The following UBE3C variants were observed in gnomAD, a reference collection of about 807,000 sequenced individuals.
UBE3C encodes ubiquitin protein ligase E3C.
A neutral mutation model predicts 129.4 loss-of-function variants in UBE3C; 42 were observed. That is an observed-to-expected ratio of 0.32 (90% CI 0.25 to 0.42). The LOEUF (loss-of-function observed/expected upper bound fraction) is 0.42. Ranked by LOEUF, UBE3C falls within the 10% of genes least tolerant of loss-of-function variation. The pLI is 1.00. For missense variants in UBE3C, 1,049 were observed against 1,319.1 expected (o/e 0.80, Z 3.17); for synonymous variants, 510 against 492.4 (o/e 1.04, Z -0.47).
intron 14 of UBE3C, among the ~76,000 whole-genome samples, chr7:157,218,737 G>C (rs1795655059): frequency 6.6e-6 from 1 of 152,154 alleles, no homozygotes; most frequent in Admixed American, 6.5e-5. Context: ...GGAGTGCTCT[G>C]TCATGCTGGA....
intron 10 of UBE3C, chr7:157,197,995 G>T: frequency 6.2e-7 from 1 of 1,607,736 alleles, no homozygotes; most frequent in Non-Finnish European, 8.5e-7. Flanking sequence ...TCTTGATCCT[G>T]ATGGTCCTCC....
chr7:157,263,464 G>A (rs924925429), intron 22 of UBE3C, among the ~76,000 whole-genome samples: 2 of 152,102 alleles, frequency 1.3e-5, no homozygotes, highest in Non-Finnish European at 2.9e-5. Flanking sequence ...AGGAGTTCTC[G>A]ACCAGCCTGG....
At chr7:157,148,492 C>G (rs1444197029) in intron 1 of UBE3C, among the ~76,000 whole-genome samples, 1 of 151,890 alleles carries the variant, frequency 6.6e-6, no homozygotes, top group East Asian at 1.9e-4. Flanking sequence ...TAAAACTGCC[C>G]TCTATTATAT....
In UBE3C at chr7:157,169,077, A is replaced by G. The variant is rs766871215; in HGVS notation, c.150A>G (p.Ile50Met). 6.2e-7 allele frequency: 1 copy of G among 1,613,870 alleles called. No homozygotes were observed. Among genetic ancestry groups the G allele is most frequent in the Non-Finnish European group, 8.5e-7 (1 of 1,179,894 alleles). Reference sequence around the variant, plus strand: ...AAAGGCGAAGGTTGAAAAATGCAATAATTATCCAGTCATTTATTCGAGGCT... The same window carrying G: ...AAAGGCGAAGGTTGAAAAATGCAATGATTATCCAGTCATTTATTCGAGGCT... The part of the protein sequence containing the change: ...EEERRRLKNA[I>M]IIQSFIRGYR... The change falls in exon 3 of 23, where the codon ATA (isoleucine) becomes ATG (methionine). Residue 50 changes from isoleucine (I) to methionine (M), a missense_variant. Ile to Met is a conservative substitution (Grantham distance 10). Around this residue, in one of 4 missense-constraint regions of UBE3C, gnomAD observed 489 missense variants for 513.8 expected, o/e 0.95. Transcript: ENST00000348165.
At chr7:157,169,018 T>A in intron 2 of UBE3C, 30 bp from the exon 3 acceptor site, 1 of 1,582,140 alleles carries the variant, frequency 6.3e-7, no homozygotes. Context: ...TCTGACCAAT[T>A]GCTCCCTCAC....
chr7:157,246,530 G>GGT (rs1408424482), intron 18 of UBE3C, among the ~76,000 whole-genome samples: 16 of 152,278 alleles, frequency 1.1e-4, no homozygotes, highest in African/African-American at 3.4e-4. Context: ...GTTTTGTTTT[G>GGT]ATTTTGGTAT....
intron 10 of UBE3C, among the ~76,000 whole-genome samples, chr7:157,193,064 G>A (rs1435329568): frequency 3.9e-5 from 6 of 152,122 alleles, no homozygotes; most frequent in African/African-American, 9.7e-5. Flanking sequence ...ATGCTAGCGC[G>A]CCTGAGTGTC....
intron 4 of UBE3C, among the ~76,000 whole-genome samples, chr7:157,172,540 T>C (rs1808405960): frequency 6.6e-6 from 1 of 152,070 alleles, no homozygotes; most frequent in Non-Finnish European, 1.5e-5. Flanking sequence ...CAGCATTGCC[T>C]CCAGAGTTGA....
At chr7:157,223,558 A>T (rs1795794985) in intron 16 of UBE3C, among the ~76,000 whole-genome samples, 1 of 49,106 alleles carries the variant, frequency 2.0e-5, no homozygotes, top group African/African-American at 1.0e-4. Context: ...TCTTAGTTAC[A>T]ACTGATTGAA....
intron 1 of UBE3C, chr7:157,140,002 A>G: frequency 1.0e-6 from 1 of 985,452 alleles, no homozygotes; most frequent in Non-Finnish European, 1.2e-6. Flanking sequence ...TGTGATCGAC[A>G]TTAAGTTGTT....
chr7:157,155,861 G>A (rs991150578), intron 1 of UBE3C, among the ~76,000 whole-genome samples: 2 of 152,164 alleles, frequency 1.3e-5, no homozygotes, highest in Non-Finnish European at 2.9e-5. Context: ...GTTACAGCAG[G>A]GAGCGTGCAC....
intron 22 of UBE3C, among the ~76,000 whole-genome samples, chr7:157,263,672 A>G (rs1276169440): frequency 6.6e-6 from 1 of 151,906 alleles, no homozygotes; most frequent in Admixed American, 6.6e-5. Context: ...TCAAAAAAAA[A>G]AAAAAAAGTC....
At chr7:157,140,697 C>T (rs184920793) in intron 1 of UBE3C, among the ~76,000 whole-genome samples, 48 of 152,238 alleles carry the variant, frequency 3.2e-4, no homozygotes, top group African/African-American at 9.9e-4. Flanking sequence ...TACACAGCGC[C>T]GCGCGGCCTC....
intron 1 of UBE3C, among the ~76,000 whole-genome samples, chr7:157,141,932 T>C (rs1459760220): frequency 6.6e-6 from 1 of 152,202 alleles, no homozygotes; most frequent in African/African-American, 2.4e-5. Flanking sequence ...CACATAATAC[T>C]CTTGTGCTGG....
At chr7:157,155,865 C>T (rs1330531436) in intron 1 of UBE3C, among the ~76,000 whole-genome samples, 3 of 151,896 alleles carry the variant, frequency 2.0e-5, no homozygotes, top group Non-Finnish European at 4.4e-5. Context: ...CAGCAGGGAG[C>T]GTGCACGCTG....
chr7:157,189,939 T>A (rs927830425), intron 10 of UBE3C, among the ~76,000 whole-genome samples: 1 of 152,130 alleles, frequency 6.6e-6, no homozygotes, highest in Non-Finnish European at 1.5e-5. Flanking sequence ...TAGCTGAGAT[T>A]ACGGGCACCC....
In UBE3C at chr7:157,139,241, G is replaced by C. The variant is rs1319684135; in HGVS notation, c.-32G>C. 1.4e-6 allele frequency: 2 copies of C among 1,456,970 alleles called. No individual in the cohort carries two copies. The highest frequency in any genetic ancestry group is 2.9e-5 in the African/African-American group (2 of 68,720). The allele number at this position is 1,456,970 out of a possible 1,614,324, so 90.3% of individuals were successfully genotyped here. A position where few individuals can be genotyped will look rare whatever the true frequency, so the allele number is the denominator to read the frequency against. ...CCGCCCGCCCGGCTGCTTCCGCGGC[G>C]GCGCTGCCCGCACATGGGCTAGGCT... On this transcript the variant is annotated 5_prime_UTR_variant, in exon 1 of 23. Transcript: ENST00000348165.
chr7:157,214,372 A>G (rs926642817), intron 13 of UBE3C, among the ~76,000 whole-genome samples: 1 of 152,216 alleles, frequency 6.6e-6, no homozygotes, highest in Non-Finnish European at 1.5e-5. Context: ...AGAAATAGAT[A>G]TCTAGGAGTT....
intron 18 of UBE3C, among the ~76,000 whole-genome samples, chr7:157,239,163 T>C (rs532550172): frequency 5.3e-5 from 8 of 152,324 alleles, no homozygotes; most frequent in Non-Finnish European, 1.2e-4. Flanking sequence ...AAAGAATGTT[T>C]ATGGTAACAC....
Sources: allele counts gnomAD v4.1 joint callset (sites outside exome capture counted in the v4.1 genomes callset), GRCh38; gene constraint gnomAD v4.1.1; regional missense constraint gnomAD v4.1.1; transcripts MANE v1.5; gene names NCBI Gene and HGNC (gene_info 2026-07-23, HGNC 2026-07-21).